ATXN1: variants seen among roughly 807,000 people sequenced by gnomAD.
ATXN1 encodes ataxin-1.
A neutral mutation model predicts 56.4 loss-of-function variants in ATXN1; 8 were observed. The observed-to-expected ratio is 0.14, with a 90% CI of 0.08 to 0.26. The LOEUF (loss-of-function observed/expected upper bound fraction) is 0.26, where lower values mean the gene tolerates loss of function less well. ATXN1 is among the 10% of genes least tolerant of loss of function. The pLI, the probability that ATXN1 is intolerant of heterozygous loss-of-function variation, is 1.00. For missense variants in ATXN1, 987 were observed against 1,106.5 expected (o/e 0.89, Z 1.53); for synonymous variants, 514 against 494.6 (o/e 1.04, Z -0.52).
At chr6:16,722,970 A>G (rs1759776014) in intron 2 of ATXN1, among the ~76,000 whole-genome samples, 1 of 152,240 alleles carries the variant, frequency 6.6e-6, no homozygotes, top group Non-Finnish European at 1.5e-5. Flanking sequence ...TCTACCAAAG[A>G]AGGTACAAGG....
chr6:16,656,981 C>CTTTT (rs869034865), intron 3 of ATXN1, among the ~76,000 whole-genome samples: 11 of 120,396 alleles, frequency 9.1e-5, no homozygotes, highest in African/African-American at 2.9e-4. Context: ...GTATTATAAT[C>CTTTT]TTTTTTTTTT....
At chr6:16,610,810 G>A (rs1372421791) in intron 3 of ATXN1, among the ~76,000 whole-genome samples, 16 of 151,238 alleles carry the variant, frequency 1.1e-4, no homozygotes, top group Admixed American at 9.2e-4. Context: ...GATTGCTTGA[G>A]GCCAAGAGTT....
At chr6:16,311,257 G>A (rs1244348729) in intron 7 of ATXN1, among the ~76,000 whole-genome samples, 1 of 152,174 alleles carries the variant, frequency 6.6e-6, no homozygotes, top group Non-Finnish European at 1.5e-5. Flanking sequence ...GAGAGATTAA[G>A]TCACTTGCCT....
At chr6:16,419,529 T>C (rs1196494996) in intron 6 of ATXN1, among the ~76,000 whole-genome samples, 1 of 152,048 alleles carries the variant, frequency 6.6e-6, no homozygotes, top group Non-Finnish European at 1.5e-5. Flanking sequence ...AACCATGGAG[T>C]ACTTTCCAGG....
intron 3 of ATXN1, among the ~76,000 whole-genome samples, chr6:16,594,551 C>T (rs1441039132): frequency 2.7e-5 from 4 of 150,544 alleles, no homozygotes; most frequent in African/African-American, 4.9e-5. Context: ...GGCACGATCT[C>T]GGCTCACTAC....
intron 4 of ATXN1, among the ~76,000 whole-genome samples, chr6:16,550,327 A>G (rs932800798): frequency 6.6e-6 from 1 of 152,104 alleles, no homozygotes; most frequent in African/African-American, 2.4e-5. Context: ...GCCTCTTCCA[A>G]CCACATGCTC....
intron 2 of ATXN1, among the ~76,000 whole-genome samples, chr6:16,728,363 T>TGGGGCAGAATG (rs1391994656): frequency 6.6e-6 from 1 of 152,086 alleles, no homozygotes; most frequent in Non-Finnish European, 1.5e-5. Flanking sequence ...GCATGGACAG[T>TGGGGCAGAATG]GGGGCAGAAT....
chr6:16,589,001 C>T (rs139517495), intron 3 of ATXN1, among the ~76,000 whole-genome samples: 12 of 152,230 alleles, frequency 7.9e-5, no homozygotes, highest in Non-Finnish European at 1.6e-4. Flanking sequence ...CCCTCAGCAC[C>T]TCCAAGTCCC....
intron 2 of ATXN1, chr6:16,738,789 G>C (rs912206386): frequency 6.6e-6 from 1 of 152,182 alleles, no homozygotes; most frequent in Admixed American, 6.5e-5. Context: ...AACCCTATAA[G>C]ATATGTAAAC....
At chr6:16,353,672 T>G (rs1761619435) in intron 6 of ATXN1, among the ~76,000 whole-genome samples, 1 of 151,980 alleles carries the variant, frequency 6.6e-6, no homozygotes, top group Non-Finnish European at 1.5e-5. Flanking sequence ...AGACCTTGTC[T>G]CAAAAAAAGC....
At chr6:16,546,993 C>G (rs1476625438) in intron 4 of ATXN1, among the ~76,000 whole-genome samples, 3 of 152,220 alleles carry the variant, frequency 2.0e-5, no homozygotes, top group Non-Finnish European at 4.4e-5. Flanking sequence ...AGGCCCTCCC[C>G]TTGGGGAAGT....
chr6:16,609,582 G>A (rs1369269664), intron 3 of ATXN1, among the ~76,000 whole-genome samples: 1 of 152,226 alleles, frequency 6.6e-6, no homozygotes, highest in Non-Finnish European at 1.5e-5. Flanking sequence ...ACATTTTTAA[G>A]AACAAAGCCT....
intron 6 of ATXN1, among the ~76,000 whole-genome samples, chr6:16,465,059 C>G (rs1760075799): frequency 6.6e-6 from 1 of 152,102 alleles, no homozygotes; most frequent in African/African-American, 2.4e-5. Flanking sequence ...TATAAAAAAG[C>G]CTATTAATTA....
intron 6 of ATXN1, among the ~76,000 whole-genome samples, chr6:16,347,294 C>T (rs9367912): frequency 0.091 from 13,814 of 152,332 alleles, 1,062 homozygotes; most frequent in East Asian, 0.4. Context: ...GCCAGCTGGG[C>T]TCCTGAGTCT....
At chr6:16,436,809 CAG>C (rs905086179) in intron 6 of ATXN1, among the ~76,000 whole-genome samples, 23 of 152,238 alleles carry the variant, frequency 1.5e-4, no homozygotes, top group African/African-American at 5.5e-4. Context: ...GGGTTTTGAT[CAG>C]AGGAGGTACA....
intron 4 of ATXN1, among the ~76,000 whole-genome samples, chr6:16,527,223 G>A (rs193019662): frequency 6.6e-6 from 1 of 152,102 alleles, no homozygotes; most frequent in East Asian, 1.9e-4. Flanking sequence ...CTCCCCCCGC[G>A]ACTAGTGACA....
At chr6:16,731,824 A>G (rs1012908652) in intron 2 of ATXN1, among the ~76,000 whole-genome samples, 1 of 151,706 alleles carries the variant, frequency 6.6e-6, no homozygotes, top group Non-Finnish European at 1.5e-5. Context: ...CTGTTTCAGT[A>G]TTAGTGTTCA....
At chr6:16,535,833 T>C (rs1324621785) in intron 4 of ATXN1, among the ~76,000 whole-genome samples, 4 of 152,162 alleles carry the variant, frequency 2.6e-5, no homozygotes, top group African/African-American at 9.7e-5. Flanking sequence ...CAGCCCATGA[T>C]AGGTCACATA....
intron 6 of ATXN1, among the ~76,000 whole-genome samples, chr6:16,460,560 T>C (rs1759972343): frequency 6.6e-6 from 1 of 152,202 alleles, no homozygotes; most frequent in Non-Finnish European, 1.5e-5. Flanking sequence ...GCGCTACTCA[T>C]TCAGGGACTG....
Sources: gnomAD v4.1 joint callset for allele counts (sites outside exome capture counted in the v4.1 genomes callset) on GRCh38, gnomAD v4.1.1 for gene constraint, MANE v1.5 for transcripts, NCBI Gene and HGNC (gene_info 2026-07-23, HGNC 2026-07-21) for gene names.